The following NCALD variants were observed in gnomAD, a reference collection of about 807,000 sequenced individuals.
NCALD encodes the protein neurocalcin delta.
In NCALD, 10 loss-of-function variants were observed where a neutral mutation model predicts 18.6. That is an observed-to-expected ratio of 0.54 (90% confidence interval 0.33 to 0.91). NCALD has a LOEUF of 0.91. Ranked by LOEUF, NCALD falls within the 40% of genes least tolerant of loss-of-function variation. The pLI, the probability that NCALD is intolerant of heterozygous loss-of-function variation, is 0.03. For synonymous variants in NCALD, 88 were observed against 87.4 expected (o/e 1.01, Z -0.04); for missense variants, 184 against 247.6 (o/e 0.74, Z 1.72).
intron 1 of NCALD, among the ~76,000 whole-genome samples, chr8:101,779,233 G>A (rs1811917250): frequency 6.6e-6 from 1 of 152,168 alleles, no homozygotes; most frequent in African/African-American, 2.4e-5. Flanking sequence ...TGGAGACAAT[G>A]AAAATAATCC....
chr8:101,920,349 C>T (rs531140514), intron 2 of NCALD, among the ~76,000 whole-genome samples: 1 of 152,182 alleles, frequency 6.6e-6, no homozygotes, highest in South Asian at 2.1e-4. Context: ...ACAGAACTAC[C>T]ATTTTACCTA....
chr8:101,969,939 A>ACG (rs1264778976), intron 2 of NCALD, among the ~76,000 whole-genome samples: 4 of 151,890 alleles, frequency 2.6e-5, no homozygotes, highest in African/African-American at 9.7e-5. Context: ...GTGTGTGTGC[A>ACG]CACACATGTG....
At chr8:101,878,654 C>T (rs1190788403) in intron 4 of NCALD, among the ~76,000 whole-genome samples, 1 of 152,090 alleles carries the variant, frequency 6.6e-6, no homozygotes, top group Non-Finnish European at 1.5e-5. Flanking sequence ...CATACCAGCA[C>T]CAAGAAGCTA....
At chr8:101,915,821 A>G (rs1454642209) in exon 3 of NCALD, 1 of 152,228 alleles carries the variant, frequency 6.6e-6, no homozygotes, top group Non-Finnish European at 1.5e-5. Context: ...TCTGACTGTC[A>G]GCAACGAGTG....
At chr8:102,008,928 AC>A (rs1821808602) in intron 2 of NCALD, among the ~76,000 whole-genome samples, 1 of 83,300 alleles carries the variant, frequency 1.2e-5, no homozygotes, top group Non-Finnish European at 2.3e-5. Flanking sequence ...ACACACACAC[AC>A]ACACACACAC....
intron 2 of NCALD, among the ~76,000 whole-genome samples, chr8:101,993,610 G>A (rs1387597556): frequency 6.6e-6 from 1 of 152,212 alleles, no homozygotes; most frequent in Non-Finnish European, 1.5e-5. Flanking sequence ...GGTAGGTGAA[G>A]CTCCAACAAG....
intron 1 of NCALD, among the ~76,000 whole-genome samples, chr8:102,110,383 T>G (rs1185100238): frequency 1.3e-5 from 2 of 152,138 alleles, no homozygotes; most frequent in Non-Finnish European, 1.5e-5. Context: ...GAAAAGAAAG[T>G]ATTTTGGATT....
intron 1 of NCALD, among the ~76,000 whole-genome samples, chr8:102,051,113 T>G (rs1255169558): frequency 6.6e-6 from 1 of 152,146 alleles, no homozygotes; most frequent in African/African-American, 2.4e-5. Context: ...CTCTCTGCCC[T>G]GTCTCTCAAC....
chr8:101,703,434 A>G (rs147457517), intron 2 of NCALD, among the ~76,000 whole-genome samples: 2 of 152,322 alleles, frequency 1.3e-5, no homozygotes, highest in East Asian at 1.9e-4. Flanking sequence ...AAACATCAGC[A>G]TGAGATTAGA....
chr8:101,744,001 G>A (rs1810322922), intron 1 of NCALD, among the ~76,000 whole-genome samples: 1 of 152,182 alleles, frequency 6.6e-6, no homozygotes, highest in African/African-American at 2.4e-5. Context: ...GATGTAAACA[G>A]CCCAGAGCCT....
chr8:101,721,260 G>A (rs1816343741), intron 1 of NCALD: 3 of 152,282 alleles, frequency 2.0e-5, no homozygotes, highest in Non-Finnish European at 2.9e-5. Context: ...TCTTCTTTGC[G>A]ATTTCACGCA....
At chr8:102,042,835 T>G (rs1823100821) in intron 1 of NCALD, among the ~76,000 whole-genome samples, 2 of 151,764 alleles carry the variant, frequency 1.3e-5, no homozygotes, top group South Asian at 4.1e-4. Context: ...GGGTAGTTTC[T>G]GAAAAATCCA....
intron 4 of NCALD, among the ~76,000 whole-genome samples, chr8:101,799,197 A>G (rs1044635530): frequency 3.3e-5 from 5 of 152,218 alleles, no homozygotes; most frequent in Non-Finnish European, 2.9e-5. Context: ...ATAAAAAAAA[A>G]TTTTCAACAT....
chr8:101,693,144 C>A (rs971404617), intron 2 of NCALD: 1 of 368,424 alleles, frequency 2.7e-6, no homozygotes, highest in Non-Finnish European at 5.1e-6. Context: ...ACCCCTGTGT[C>A]TCCAATGTTT....
intron 1 of NCALD, among the ~76,000 whole-genome samples, chr8:102,023,427 C>T (rs1277569092): frequency 1.3e-5 from 2 of 152,124 alleles, no homozygotes; most frequent in East Asian, 3.8e-4. Flanking sequence ...TCAAATGAGT[C>T]AGATGATTTT....
chr8:101,803,274 G>C (rs1320527152), intron 4 of NCALD, among the ~76,000 whole-genome samples: 1 of 152,186 alleles, frequency 6.6e-6, no homozygotes, highest in Non-Finnish European at 1.5e-5. Context: ...CTGGATCACA[G>C]TACATCTGTT....
At chr8:102,018,244 A>G (rs1036633747) in intron 2 of NCALD, among the ~76,000 whole-genome samples, 8 of 152,204 alleles carry the variant, frequency 5.3e-5, no homozygotes, top group Non-Finnish European at 1.2e-4. Context: ...CACTCCTAGT[A>G]ATTTACCCAA....
intron 1 of NCALD, among the ~76,000 whole-genome samples, chr8:101,754,234 G>T (rs1332168006): frequency 6.6e-6 from 1 of 152,086 alleles, no homozygotes; most frequent in East Asian, 1.9e-4. Flanking sequence ...ATCATTTCTT[G>T]GGCTTTTTCT....
intron 2 of NCALD, among the ~76,000 whole-genome samples, chr8:101,695,325 T>C (rs1175847523): frequency 6.6e-6 from 1 of 152,144 alleles, no homozygotes; most frequent in Non-Finnish European, 1.5e-5. Context: ...CAATCTTCTT[T>C]GGGGCTGGAT....
Sources: allele counts gnomAD v4.1 joint callset (sites outside exome capture counted in the v4.1 genomes callset), GRCh38; gene constraint gnomAD v4.1.1; transcripts MANE v1.5; gene names NCBI Gene and HGNC (gene_info 2026-07-23, HGNC 2026-07-21).